The following POFUT3 variants were observed in gnomAD, a reference collection of about 807,000 sequenced individuals.
POFUT3 encodes the protein protein O-fucosyltransferase 3, also known as GDP-fucose protein O-fucosyltransferase 3.
the POFUT3 span, among the ~76,000 whole-genome samples, chr8:33,398,151 AAGT>A: frequency 6.6e-6 from 1 of 152,232 alleles, no homozygotes; most frequent in African/African-American, 2.4e-5. Context: ...AATTACTGAT[AAGT>A]ACACAGAAAA....
the POFUT3 span, among the ~76,000 whole-genome samples, chr8:33,342,745 C>T: frequency 6.6e-6 from 1 of 152,124 alleles, no homozygotes; most frequent in South Asian, 2.1e-4. Context: ...AACCATTTGC[C>T]AATGTCTTTA....
the POFUT3 span, among the ~76,000 whole-genome samples, chr8:33,327,577 A>G: frequency 6.6e-6 from 1 of 152,090 alleles, no homozygotes; most frequent in Non-Finnish European, 1.5e-5. Flanking sequence ...GTCCAGAAAA[A>G]TGAGGTCATT....
chr8:33,357,262 C>A, the POFUT3 span, among the ~76,000 whole-genome samples: 1 of 151,980 alleles, frequency 6.6e-6, no homozygotes, highest in South Asian at 2.1e-4. Flanking sequence ...TTACCTTGGG[C>A]AGTATGGTCA....
chr8:33,380,019 A>ATATATACTATATATAGTATATATATATAC, the POFUT3 span, among the ~76,000 whole-genome samples: 2 of 86,218 alleles, frequency 2.3e-5, 1 homozygote, highest in African/African-American at 1.1e-4. Flanking sequence ...TATATAGTAT[A>ATATATACTATATATAGTATATATATATAC]TATATATACT....
chr8:33,380,122 C>T, the POFUT3 span, among the ~76,000 whole-genome samples: 14 of 53,322 alleles, frequency 2.6e-4, no homozygotes, highest in African/African-American at 8.4e-4. Context: ...TATATATATA[C>T]ACTATATATA....
At chr8:33,370,169 TAAAAAAAAAAAAAAAAAAAAAAAA>T in the POFUT3 span, among the ~76,000 whole-genome samples, 1 of 39,864 alleles carries the variant, frequency 2.5e-5, no homozygotes, top group East Asian at 9.6e-4. Context: ...CCATCTTTAC[TAAAAAAAAAAAAAAAAAAAAAAAA>T]AAAAAAAAAA....
At chr8:33,444,153 G>A in the POFUT3 span, among the ~76,000 whole-genome samples, 12,374 of 151,778 alleles carry the variant, frequency 0.082, 637 homozygotes, top group African/African-American at 0.15. Flanking sequence ...AAGAAAATAC[G>A]GCAGGGGTTT....
chr8:33,453,103 G>T, the POFUT3 span: 1 of 987,416 alleles, frequency 1.0e-6, no homozygotes, highest in Non-Finnish European at 1.5e-6. Flanking sequence ...GAAATCAGGG[G>T]TGTCAAAGTG....
At chr8:33,370,007 C>A in the POFUT3 span, among the ~76,000 whole-genome samples, 1 of 151,792 alleles carries the variant, frequency 6.6e-6, no homozygotes, top group Non-Finnish European at 1.5e-5. Flanking sequence ...GAAAAGGCTT[C>A]TGACCACTTT....
chr8:33,436,257 T>C, the POFUT3 span: 1 of 1,362,502 alleles, frequency 7.3e-7, no homozygotes, highest in Non-Finnish European at 1.0e-6. Context: ...CAACAACAGC[T>C]CGGAATTTCA....
chr8:33,389,702 A>G, the POFUT3 span: 41 of 1,614,014 alleles, frequency 2.5e-5, no homozygotes, highest in Middle Eastern at 3.3e-4. Flanking sequence ...TTTATGAAAG[A>G]GCTTATAATT....
chr8:33,329,291 A>G, the POFUT3 span, among the ~76,000 whole-genome samples: 2 of 152,216 alleles, frequency 1.3e-5, no homozygotes, highest in African/African-American at 4.8e-5. Flanking sequence ...ATACTTATCT[A>G]TGGGAAAATG....
chr8:33,358,107 G>C, the POFUT3 span, among the ~76,000 whole-genome samples: 1 of 152,054 alleles, frequency 6.6e-6, no homozygotes, highest in African/African-American at 2.4e-5. Context: ...AAAAAAATTA[G>C]CCAGGTGTTG....
At chr8:33,400,441 A>G in the POFUT3 span, among the ~76,000 whole-genome samples, 3 of 152,238 alleles carry the variant, frequency 2.0e-5, no homozygotes, top group Admixed American at 1.3e-4. Flanking sequence ...TGACAAAGTG[A>G]AAATCTGTCT....
chr8:33,419,603 TC>T, the POFUT3 span, among the ~76,000 whole-genome samples: 1 of 152,190 alleles, frequency 6.6e-6, no homozygotes, highest in East Asian at 1.9e-4. Context: ...TGGGAACCCG[TC>T]CCTTAAATGC....
At chr8:33,327,177 C>A in the POFUT3 span, among the ~76,000 whole-genome samples, 1 of 152,140 alleles carries the variant, frequency 6.6e-6, no homozygotes, top group Non-Finnish European at 1.5e-5. Context: ...AAGCCCTGGG[C>A]AAATGATGCT....
chr8:33,409,025 T>C, the POFUT3 span, among the ~76,000 whole-genome samples: 1 of 152,180 alleles, frequency 6.6e-6, no homozygotes, highest in Admixed American at 6.5e-5. Context: ...CAATATCTTT[T>C]AGGGATGTCG....
At chr8:33,453,026 C>T in the POFUT3 span, 1 of 572,394 alleles carries the variant, frequency 1.7e-6, no homozygotes, top group Middle Eastern at 3.7e-4. Flanking sequence ...AGCCACCACG[C>T]CCGGCCAGGC....
At chr8:33,468,041 A>T in the POFUT3 span, among the ~76,000 whole-genome samples, 1 of 152,096 alleles carries the variant, frequency 6.6e-6, no homozygotes, top group Non-Finnish European at 1.5e-5. Flanking sequence ...GGAGTTTGAG[A>T]CCAGCCTGGA....
Sources: gnomAD v4.1 joint callset for allele counts (sites outside exome capture counted in the v4.1 genomes callset) on GRCh38, gnomAD v4.1.1 for gene constraint, MANE v1.5 for transcripts, NCBI Gene and HGNC (gene_info 2026-07-23, HGNC 2026-07-21) for gene names.